The following NFIA variants were observed in gnomAD, a reference collection of about 807,000 sequenced individuals.
NFIA encodes nuclear factor 1 A-type.
In NFIA, 8 loss-of-function variants were observed where a neutral mutation model predicts 62.8. The observed-to-expected ratio is 0.13, with a 90% confidence interval of 0.07 to 0.23. The LOEUF (loss-of-function observed/expected upper bound fraction) is 0.23. Ranked by LOEUF, NFIA falls within the 10% of genes least tolerant of loss-of-function variation. NFIA has a pLI of 1.00. For synonymous variants in NFIA, 235 were observed against 238.1 expected, an observed-to-expected ratio of 0.99 and a Z score of 0.12; for missense variants, 410 against 642.1, an observed-to-expected ratio of 0.64 and a Z score of 3.91.
intron 3 of NFIA, among the ~76,000 whole-genome samples, chr1:61,306,937 C>G (rs920155327): frequency 3.9e-5 from 6 of 152,212 alleles, no homozygotes; most frequent in African/African-American, 1.4e-4. Flanking sequence ...TTTTGGAGGA[C>G]TTTTCTTTTC....
intron 2 of NFIA, among the ~76,000 whole-genome samples, chr1:61,274,610 C>A (rs374946420): frequency 6.6e-6 from 1 of 152,154 alleles, no homozygotes; most frequent in Non-Finnish European, 1.5e-5. Context: ...AATCAATCAA[C>A]CACGTGATAT....
At chr1:61,452,679 T>G (rs2100590540) in intron 10 of NFIA, among the ~76,000 whole-genome samples, 1 of 152,276 alleles carries the variant, frequency 6.6e-6, no homozygotes, top group South Asian at 2.1e-4. Flanking sequence ...AAAAAAAGTT[T>G]GAAAGCTTTA....
intron 3 of NFIA, among the ~76,000 whole-genome samples, chr1:61,291,891 T>G (rs1218249042): frequency 6.6e-6 from 1 of 152,192 alleles, no homozygotes; most frequent in Non-Finnish European, 1.5e-5. Context: ...TTACATGCAT[T>G]ATGTATTACA....
intron 10 of NFIA, among the ~76,000 whole-genome samples, chr1:61,453,443 C>CTTTTTTTTTTTTTTTTT (rs11336299): frequency 5.1e-5 from 4 of 78,884 alleles, no homozygotes; most frequent in Non-Finnish European, 6.8e-5. Flanking sequence ...TGTGAAGAAA[C>CTTTTTTTTTTTTTTTTT]TTTTTTTTTT....
At chr1:61,387,478 T>TTTTTTTG (rs1557749394) in intron 7 of NFIA, among the ~76,000 whole-genome samples, 22 of 142,850 alleles carry the variant, frequency 1.5e-4, no homozygotes, top group African/African-American at 5.2e-4. Flanking sequence ...CTTTTTTTTT[T>TTTTTTTG]TTTTTTTTTT....
At chr1:61,291,133 G>A (rs1465505156) in intron 3 of NFIA, among the ~76,000 whole-genome samples, 2 of 152,194 alleles carry the variant, frequency 1.3e-5, no homozygotes, top group African/African-American at 2.4e-5. Context: ...TAGGAAAGAC[G>A]AAGAAAGAAG....
chr1:61,358,171 T>G (rs1257307530), intron 5 of NFIA, among the ~76,000 whole-genome samples: 1 of 152,164 alleles, frequency 6.6e-6, no homozygotes, highest in Non-Finnish European at 1.5e-5. Context: ...TTTTTATGTC[T>G]CTTGTTCTCA....
intron 2 of NFIA, among the ~76,000 whole-genome samples, chr1:61,200,229 T>C (rs977615691): frequency 3.3e-5 from 5 of 151,494 alleles, no homozygotes; most frequent in African/African-American, 1.2e-4. Flanking sequence ...AGCTCCCCTT[T>C]GACTAGCGTC....
chr1:61,246,316 G>C (rs1204211721), intron 2 of NFIA, among the ~76,000 whole-genome samples: 1 of 151,992 alleles, frequency 6.6e-6, no homozygotes. Flanking sequence ...TTTTAGGAGT[G>C]GAATTAACAG....
chr1:61,205,162 G>A (rs1652813302), intron 2 of NFIA, among the ~76,000 whole-genome samples: 1 of 152,188 alleles, frequency 6.6e-6, no homozygotes, highest in Admixed American at 6.5e-5. Context: ...AAGTGGATCA[G>A]TTTATCGAAG....
chr1:61,291,626 G>A (rs1193849426), intron 3 of NFIA, among the ~76,000 whole-genome samples: 2 of 152,184 alleles, frequency 1.3e-5, no homozygotes, highest in Non-Finnish European at 2.9e-5. Flanking sequence ...GCAAGTGAGT[G>A]CCTGCTTCAT....
chr1:61,177,833 C>G (rs1650483031), intron 2 of NFIA, among the ~76,000 whole-genome samples: 1 of 152,158 alleles, frequency 6.6e-6, no homozygotes, highest in South Asian at 2.1e-4. Flanking sequence ...AAGACCTTGA[C>G]ATTTGCAAAC....
At chr1:61,399,657 T>C (rs992102448) in intron 7 of NFIA, among the ~76,000 whole-genome samples, 3 of 152,214 alleles carry the variant, frequency 2.0e-5, no homozygotes, top group Admixed American at 6.5e-5. Context: ...GAGATTACTT[T>C]CTTCTTCTAT....
chr1:61,193,434 GGT>G (rs1456336561), intron 2 of NFIA, among the ~76,000 whole-genome samples: 1 of 152,164 alleles, frequency 6.6e-6, no homozygotes, highest in African/African-American at 2.4e-5. Context: ...CACTCTCTCT[GGT>G]GTTCTGTTTC....
At chr1:61,355,104 G>T (rs1028045809) in intron 5 of NFIA, among the ~76,000 whole-genome samples, 2 of 152,086 alleles carry the variant, frequency 1.3e-5, no homozygotes, top group Non-Finnish European at 2.9e-5. Flanking sequence ...TGGAATTAGG[G>T]TAATACTTTT....
intron 4 of NFIA, among the ~76,000 whole-genome samples, chr1:61,341,060 CTTTTT>C (rs35203949): frequency 2.8e-3 from 310 of 108,790 alleles, no homozygotes; most frequent in African/African-American, 0.01. Flanking sequence ...TACCGGCATT[CTTTTT>C]TTTTTTTTTT....
At chr1:61,407,544 A>G (rs1665903994) in intron 9 of NFIA, among the ~76,000 whole-genome samples, 1 of 152,124 alleles carries the variant, frequency 6.6e-6, no homozygotes, top group Non-Finnish European at 1.5e-5. Flanking sequence ...TGGAATAATG[A>G]CAAAAAGAGT....
intron 2 of NFIA, among the ~76,000 whole-genome samples, chr1:61,091,862 T>A (rs987942267): frequency 6.6e-6 from 1 of 151,966 alleles, no homozygotes; most frequent in African/African-American, 2.4e-5. Flanking sequence ...TTTTTTTTTT[T>A]AACCACTTCT....
chr1:61,160,561 G>T (rs1649122492), intron 2 of NFIA, among the ~76,000 whole-genome samples: 1 of 152,194 alleles, frequency 6.6e-6, no homozygotes, highest in Non-Finnish European at 1.5e-5. Context: ...AACCTTCTGT[G>T]ATTGTATTGC....
Sources: allele counts gnomAD v4.1 joint callset (sites outside exome capture counted in the v4.1 genomes callset), GRCh38; gene constraint gnomAD v4.1.1; transcripts MANE v1.5; gene names NCBI Gene and HGNC (gene_info 2026-07-23, HGNC 2026-07-21).